Variants in NELL1 observed in about 807,000 individuals in gnomAD.
The protein encoded by NELL1 is protein kinase C-binding protein NELL1.
NELL1 carries 76 observed loss-of-function variants against 107.4 expected under a neutral mutation model. That is an observed-to-expected ratio of 0.71 (90% CI 0.59 to 0.86). The LOEUF is 0.86. Among genes scored for constraint, NELL1 ranks in the 40% least tolerant of loss-of-function variants. NELL1 has a pLI of 0.00. For missense variants in NELL1, 1,024 were observed against 1,005.5 expected (o/e 1.02, Z -0.25); for synonymous variants, 353 against 341.2 (o/e 1.03, Z -0.38).
chr11:20,938,642 T>C (rs903496042), intron 10 of NELL1, among the ~76,000 whole-genome samples: 1 of 152,066 alleles, frequency 6.6e-6, no homozygotes, highest in Admixed American at 6.6e-5. Context: ...AGTGATTACT[T>C]AACCAATAAT....
intron 14 of NELL1, among the ~76,000 whole-genome samples, chr11:21,282,200 A>T (rs1849012003): frequency 6.6e-6 from 1 of 152,224 alleles, no homozygotes; most frequent in South Asian, 2.1e-4. Context: ...ATCTGAATAG[A>T]CGTTTCTCAA....
chr11:21,267,259 TATC>T (rs1388309201), intron 14 of NELL1, among the ~76,000 whole-genome samples: 1 of 152,086 alleles, frequency 6.6e-6, no homozygotes, highest in Non-Finnish European at 1.5e-5. Context: ...CTTATAATAA[TATC>T]ATGAATAAAT....
chr11:20,906,685 A>T (rs902661934), intron 5 of NELL1, among the ~76,000 whole-genome samples: 2 of 152,076 alleles, frequency 1.3e-5, no homozygotes, highest in African/African-American at 4.8e-5. Context: ...ATGGTTTAAC[A>T]TAAGAAAAGT....
intron 15 of NELL1, among the ~76,000 whole-genome samples, chr11:21,427,461 A>C (rs188178975): frequency 5.3e-4 from 80 of 152,316 alleles, no homozygotes; most frequent in African/African-American, 1.9e-3. Context: ...GGATATTGCT[A>C]TCTCCCTCTA....
chr11:21,408,105 G>A (rs1031187021), intron 15 of NELL1, among the ~76,000 whole-genome samples: 1 of 151,958 alleles, frequency 6.6e-6, no homozygotes, highest in Non-Finnish European at 1.5e-5. Flanking sequence ...AGCAGCATGA[G>A]TTGATCATAG....
chr11:21,100,846 T>C (rs9943647), intron 12 of NELL1, among the ~76,000 whole-genome samples: 2,510 of 152,090 alleles, frequency 0.017, 65 homozygotes, highest in African/African-American at 0.052. Flanking sequence ...TTCTTTCTTT[T>C]TTTTAATTAT....
At chr11:20,675,132 C>G (rs992274877) in intron 1 of NELL1, among the ~76,000 whole-genome samples, 3 of 152,110 alleles carry the variant, frequency 2.0e-5, no homozygotes, top group Non-Finnish European at 2.9e-5. Context: ...TGGAAGTAGA[C>G]GAGAACAAAC....
intron 15 of NELL1, among the ~76,000 whole-genome samples, chr11:21,394,511 C>T (rs556124974): frequency 2.0e-5 from 3 of 151,248 alleles, no homozygotes; most frequent in African/African-American, 7.3e-5. Context: ...ACAGACTGGA[C>T]CCAGAGGCAT....
At chr11:21,320,217 A>G (rs1849978941) in intron 14 of NELL1, among the ~76,000 whole-genome samples, 1 of 152,092 alleles carries the variant, frequency 6.6e-6, no homozygotes, top group Non-Finnish European at 1.5e-5. Flanking sequence ...TTCAAAGCAG[A>G]TCTACTTGAA....
At chr11:21,381,411 C>T (rs1262765452) in intron 15 of NELL1, among the ~76,000 whole-genome samples, 2 of 151,846 alleles carry the variant, frequency 1.3e-5, no homozygotes, top group South Asian at 2.1e-4. Context: ...TTCTAAGTGT[C>T]GGTTTGCCAC....
intron 15 of NELL1, among the ~76,000 whole-genome samples, chr11:21,450,104 T>TC (rs1346534781): frequency 6.6e-6 from 1 of 152,224 alleles, no homozygotes; most frequent in African/African-American, 2.4e-5. Flanking sequence ...GATGCAGCTT[T>TC]AGGTTACTTC....
chr11:20,915,950 A>G (rs752660632), intron 5 of NELL1, among the ~76,000 whole-genome samples: 15 of 151,482 alleles, frequency 9.9e-5, no homozygotes, highest in Non-Finnish European at 1.6e-4. Context: ...AGTCACATGC[A>G]TACACACACA....
chr11:21,286,749 C>T (rs1449568547), intron 14 of NELL1, among the ~76,000 whole-genome samples: 1 of 152,202 alleles, frequency 6.6e-6, no homozygotes, highest in Admixed American at 6.5e-5. Context: ...TAAAATTTTT[C>T]ATTTCCACTG....
intron 15 of NELL1, among the ~76,000 whole-genome samples, chr11:21,463,417 T>G (rs897703410): frequency 5.3e-5 from 8 of 152,110 alleles, no homozygotes; most frequent in African/African-American, 1.2e-4. Flanking sequence ...TGCAGATGAT[T>G]GTGGGACCAC....
At chr11:21,257,150 G>A (rs1858790256) in intron 14 of NELL1, among the ~76,000 whole-genome samples, 1 of 151,900 alleles carries the variant, frequency 6.6e-6, no homozygotes, top group Non-Finnish European at 1.5e-5. Context: ...TGTAGGGGAG[G>A]GACGAACAGT....
intron 4 of NELL1, among the ~76,000 whole-genome samples, chr11:20,874,146 C>A (rs957852087): frequency 3.3e-5 from 5 of 152,182 alleles, no homozygotes; most frequent in African/African-American, 1.2e-4. Flanking sequence ...CGGCTCACTG[C>A]AACCTCCGCC....
intron 15 of NELL1, among the ~76,000 whole-genome samples, chr11:21,414,054 T>G (rs1852442616): frequency 6.6e-6 from 1 of 152,062 alleles, no homozygotes; most frequent in African/African-American, 2.4e-5. Flanking sequence ...CACCTAGAAT[T>G]AAAGACTAGG....
chr11:20,748,805 A>G (rs937783540), intron 2 of NELL1, among the ~76,000 whole-genome samples: 20 of 151,798 alleles, frequency 1.3e-4, no homozygotes, highest in African/African-American at 4.6e-4. Context: ...TTCTTTATCC[A>G]CTCATCAGTT....
At chr11:21,099,342 C>T (rs1486425908) in intron 12 of NELL1, among the ~76,000 whole-genome samples, 1 of 151,988 alleles carries the variant, frequency 6.6e-6, no homozygotes, top group Non-Finnish European at 1.5e-5. Context: ...GAGCAGGAGG[C>T]AGCAGCCCTG....
Sources: allele counts gnomAD v4.1 joint callset (sites outside exome capture counted in the v4.1 genomes callset), GRCh38; gene constraint gnomAD v4.1.1; transcripts MANE v1.5; gene names NCBI Gene and HGNC (gene_info 2026-07-23, HGNC 2026-07-21).